The following FGF12 variants were observed in gnomAD, a reference collection of about 807,000 sequenced individuals.
FGF12 encodes the protein fibroblast growth factor 12.
A neutral mutation model predicts 23.6 loss-of-function variants in FGF12; 14 were observed. The observed-to-expected ratio is 0.59, with a 90% CI of 0.39 to 0.93. FGF12 has a LOEUF of 0.93. FGF12 is among the 40% of genes least tolerant of loss of function. The pLI is 0.00. For missense variants in FGF12, 175 were observed against 217.8 expected (o/e 0.80, Z 1.24); for synonymous variants, 62 against 77.3 (o/e 0.80, Z 1.04).
At chr3:192,541,650 T>C (rs1202296458) in intron 2 of FGF12, among the ~76,000 whole-genome samples, 1 of 152,158 alleles carries the variant, frequency 6.6e-6, no homozygotes, top group Non-Finnish European at 1.5e-5. Flanking sequence ...TTTTTTTTGC[T>C]CACTTACAAA....
At chr3:192,312,207 T>C (rs1319121058) in intron 4 of FGF12, among the ~76,000 whole-genome samples, 1 of 152,144 alleles carries the variant, frequency 6.6e-6, no homozygotes, top group Non-Finnish European at 1.5e-5. Context: ...GGTTGTGCTT[T>C]AGATGTTATA....
chr3:192,234,470 T>C (rs1052556610), intron 4 of FGF12, among the ~76,000 whole-genome samples: 7 of 152,238 alleles, frequency 4.6e-5, no homozygotes, highest in Non-Finnish European at 7.3e-5. Context: ...TATAGAATCA[T>C]ATCATCTGCA....
chr3:192,525,277 AC>A lies in FGF12; in HGVS notation c.14-164740del, dbSNP rs568232021. ...CCTGGAAACCTCTGCTAAAGGATCC[AC>A]AGGTATTTCAAAAAAATAATAATAA... On this transcript the variant is annotated intron_variant, in intron 2 of 5. Transcript: ENST00000445105. Among the ~76,000 whole-genome samples the A allele has an allele frequency of 3.3e-4, 51 of 152,308 alleles. No individual in the cohort carries two copies. The East Asian group carries it at 9.5e-3, about 28-fold the overall frequency.
rs759361885 is a variant in FGF12, at chr3:192,408,230, T to C, written c.14-47692A>G. On this transcript the variant is annotated intron_variant, in intron 2 of 5. Coordinates refer to ENST00000445105, the MANE Select transcript of FGF12 (RefSeq NM_004113.6). The surrounding 1 kb of genome is among the most constrained non-coding windows in gnomAD (Gnocchi z 7.3). Reference sequence around the variant, plus strand: ...TGGCTATCGCCGCAGCCATAGCTGCTCAGCGAGGGCCTCAGGCCCCAGCCT... The same window carrying C: ...TGGCTATCGCCGCAGCCATAGCTGCCCAGCGAGGGCCTCAGGCCCCAGCCT... 2 of 1,593,718 alleles carry C rather than the reference T, an allele frequency of 1.3e-6. No homozygotes were observed. Among genetic ancestry groups the C allele is most frequent in the Admixed American group, 1.7e-5 (1 of 59,534 alleles).
intron 2 of FGF12, among the ~76,000 whole-genome samples, chr3:192,545,878 C>G (rs1341417814): frequency 6.6e-6 from 1 of 151,826 alleles, no homozygotes; most frequent in Non-Finnish European, 1.5e-5. Context: ...TGGCTACACT[C>G]TCTAAGACAA....
At chr3:192,355,134 G>A (rs1464416784) in intron 3 of FGF12, among the ~76,000 whole-genome samples, 8 of 152,148 alleles carry the variant, frequency 5.3e-5, no homozygotes, top group Non-Finnish European at 7.3e-5. Context: ...ACATACCCTT[G>A]ACCCAGCAAT....
chr3:192,433,260 CTCA>C (rs1721920329), intron 2 of FGF12, among the ~76,000 whole-genome samples: 1 of 152,148 alleles, frequency 6.6e-6, no homozygotes, highest in South Asian at 2.1e-4. Flanking sequence ...TCTCCTGATC[CTCA>C]TTTTAGATGA....
At chr3:192,230,931 TA>T (rs1180875172) in intron 4 of FGF12, among the ~76,000 whole-genome samples, 3 of 152,186 alleles carry the variant, frequency 2.0e-5, no homozygotes, top group African/African-American at 7.2e-5. Context: ...ATGAAAGCTT[TA>T]ATAAAATTAA....
At chr3:192,446,688 C>T (rs898053356) in intron 2 of FGF12, among the ~76,000 whole-genome samples, 1 of 151,944 alleles carries the variant, frequency 6.6e-6, no homozygotes, top group Non-Finnish European at 1.5e-5. Context: ...CAGCACCAGC[C>T]GTCAGACCAC....
chr3:192,205,664 T>C (rs548371203), intron 4 of FGF12, among the ~76,000 whole-genome samples: 131 of 152,312 alleles, frequency 8.6e-4, no homozygotes, highest in Non-Finnish European at 1.5e-3. Context: ...AAATGTGACT[T>C]GTGCCACCTC....
At chr3:192,586,068 A>ATCATTGTTTAGTTAT (rs1713361960) in intron 2 of FGF12, among the ~76,000 whole-genome samples, 1 of 152,196 alleles carries the variant, frequency 6.6e-6, no homozygotes, top group South Asian at 2.1e-4. Flanking sequence ...ACTAAACATA[A>ATCATTGTTTAGTTAT]AAATTAACCA....
At chr3:192,559,377 G>T (rs1298310721) in intron 2 of FGF12, among the ~76,000 whole-genome samples, 2 of 151,942 alleles carry the variant, frequency 1.3e-5, no homozygotes, top group African/African-American at 4.8e-5. Flanking sequence ...GTTACTATGG[G>T]AATAGTAAAA....
Position 192,450,127 on chromosome 3 carries a change from A to T in FGF12, c.14-89589T>A, listed in dbSNP as rs190109059. ...AGACAAAGCCAAGACCAAAACCAAG[A>T]CCTTCTAAATCTAAAAATCCCATTT... On this transcript the variant is annotated intron_variant, in intron 2 of 5. Transcript: ENST00000445105. 2.2e-3 allele frequency among the ~76,000 whole-genome samples: 342 copies of T among 152,288 alleles called. 2 individuals are homozygous for T. Among genetic ancestry groups the T allele is most frequent in the African/African-American group, 7.8e-3 (324 of 41,562 alleles).
At chr3:192,146,675 T>A (rs1713742914) in intron 5 of FGF12, among the ~76,000 whole-genome samples, 1 of 152,114 alleles carries the variant, frequency 6.6e-6, no homozygotes, top group Non-Finnish European at 1.5e-5. Flanking sequence ...ACTTGGACTT[T>A]TATCTTTTTT....
At chr3:192,222,741 A>T (rs1328623872) in intron 4 of FGF12, among the ~76,000 whole-genome samples, 1 of 152,202 alleles carries the variant, frequency 6.6e-6, no homozygotes, top group East Asian at 1.9e-4. Context: ...AACCCGATAC[A>T]ACAGGCTGGG....
chr3:192,569,962 G>T (rs1236480420), intron 2 of FGF12, among the ~76,000 whole-genome samples: 1 of 152,208 alleles, frequency 6.6e-6, no homozygotes, highest in Admixed American at 6.5e-5. Flanking sequence ...TTTTGGAAGA[G>T]AAAAGATAAG....
At chr3:192,678,378 G>A (rs1057192141) in intron 2 of FGF12, among the ~76,000 whole-genome samples, 1 of 152,178 alleles carries the variant, frequency 6.6e-6, no homozygotes, top group South Asian at 2.1e-4. Flanking sequence ...CTTGCACTGA[G>A]GGCCACCATT....
At position 192,288,954 on chromosome 3, in the gene FGF12, C is replaced by A. The variant is rs1259650401; in HGVS notation, c.228+46407G>T. Among the ~76,000 whole-genome samples the A allele has an allele frequency of 2.0e-5, 3 of 152,022 alleles. No individual in the cohort carries two copies. The East Asian group carries it at 5.8e-4, about 29-fold the overall frequency. ...TATCACAGAACTACCATTCATGATA[C>A]CAAAAAAGGCCTCATGTCCGAGTGC... On this transcript the variant is annotated intron_variant, in intron 4 of 5. Coordinates refer to ENST00000445105, the MANE Select transcript of FGF12 (RefSeq NM_004113.6).
intron 2 of FGF12, among the ~76,000 whole-genome samples, chr3:192,592,061 A>C (rs971122293): frequency 6.6e-6 from 1 of 151,844 alleles, no homozygotes; most frequent in Non-Finnish European, 1.5e-5. Context: ...AGGGGGAAAA[A>C]AAAATCTCTA....
Sources: gnomAD v4.1 joint callset for allele counts (sites outside exome capture counted in the v4.1 genomes callset) on GRCh38, gnomAD v4.1.1 for gene constraint, Gnocchi (gnomAD v3.1) non-coding constraint, MANE v1.5 for transcripts, NCBI Gene and HGNC (gene_info 2026-07-23, HGNC 2026-07-21) for gene names.